EPHX2: variants seen among roughly 807,000 people sequenced by gnomAD.
EPHX2 encodes bifunctional epoxide hydrolase 2.
In EPHX2, 74 loss-of-function variants were observed where a neutral mutation model predicts 78.7. The observed-to-expected ratio is 0.94, with a 90% CI of 0.78 to 1.14. EPHX2 has a LOEUF of 1.14. Ranked by LOEUF, EPHX2 falls within the 50% of genes most tolerant of loss-of-function variation. The pLI is 0.00. For synonymous variants in EPHX2, 251 were observed against 255.2 expected (o/e 0.98, Z 0.16); for missense variants, 715 against 702.5 (o/e 1.02, Z -0.20).
intron 16 of EPHX2, among the ~76,000 whole-genome samples, chr8:27,542,419 C>T (rs1458934955): frequency 6.6e-6 from 1 of 152,164 alleles, no homozygotes; most frequent in East Asian, 1.9e-4. Flanking sequence ...GTGCCTCCCT[C>T]ACAGAGCTGT....
intron 16 of EPHX2, among the ~76,000 whole-genome samples, chr8:27,541,938 TC>T (rs1369377684): frequency 3.3e-5 from 5 of 152,034 alleles, no homozygotes; most frequent in African/African-American, 9.7e-5. Flanking sequence ...ACTTTAGCCT[TC>T]GGTTGTGTCA....
rs1313101853 is a variant in EPHX2, at chr8:27,525,460, A to G, written c.1157A>G (p.Tyr386Cys). 1 of 1,613,760 alleles carries G rather than the reference A, an allele frequency of 6.2e-7. No individual in the cohort carries two copies. The highest frequency in any genetic ancestry group is 8.5e-7 in the Non-Finnish European group (1 of 1,179,766). ...AACCCAGTATTTGATTACCAGCTCT[A>G]CTTCCAAGAACCAGTAAGTATGGCA... ...KANPVFDYQL[Y>C]FQEPGVAEAE... Residue 386 changes from tyrosine to cysteine, a missense_variant, in exon 12 of 19, where the codon TAC (tyrosine) becomes TGC (cysteine). Transcript: ENST00000521400.
At chr8:27,535,139 C>T (rs1350412971) in intron 12 of EPHX2, among the ~76,000 whole-genome samples, 5 of 152,164 alleles carry the variant, frequency 3.3e-5, no homozygotes, top group Non-Finnish European at 5.9e-5. Flanking sequence ...GCACTAGTCC[C>T]TCAGCAGCAG....
chr8:27,507,691 G>A (rs564730126), intron 5 of EPHX2, among the ~76,000 whole-genome samples: 8 of 152,280 alleles, frequency 5.3e-5, no homozygotes, highest in African/African-American at 1.4e-4. Context: ...TAGTTTGCTC[G>A]GGCTGCCATA....
Position 27,541,514 on chromosome 8 carries a change from A to C in EPHX2, c.1421A>C (p.Lys474Thr), listed in dbSNP as rs202158116. The change falls in exon 16 of 19, where the codon AAG becomes ACG. Residue 474 changes from lysine to threonine, a missense_variant. By Grantham distance (78) the Lys-to-Thr change is moderately conservative. Coordinates refer to ENST00000521400, the MANE Select transcript of EPHX2 (RefSeq NM_001979.6). ...NWYRNMERNW[K>T]WACKSLGRKI... ...TACCGAAACATGGAAAGGAACTGGA[A>C]GTGGGCTTGCAAAAGCTTGGGACGG... The C allele has an allele frequency of 2.5e-4, 396 of 1,614,226 alleles. 2 individuals are homozygous for C. The highest frequency in any genetic ancestry group is 2.0e-3 in the Middle Eastern group (12 of 6,062).
intron 5 of EPHX2, among the ~76,000 whole-genome samples, chr8:27,510,146 T>C (rs1284122055): frequency 1.3e-5 from 2 of 152,144 alleles, no homozygotes; most frequent in East Asian, 3.9e-4. Context: ...TCCATAGTTA[T>C]AAAGGAGGTA....
intron 5 of EPHX2, among the ~76,000 whole-genome samples, chr8:27,507,315 C>T (rs1400268352): frequency 2.0e-5 from 3 of 152,182 alleles, no homozygotes; most frequent in African/African-American, 4.8e-5. Context: ...AACGTTTACC[C>T]TAAGGATCAG....
chr8:27,497,938 T>A (rs141021068), intron 1 of EPHX2, among the ~76,000 whole-genome samples: 2 of 152,300 alleles, frequency 1.3e-5, no homozygotes, highest in Non-Finnish European at 2.9e-5. Context: ...TTTCTTTGGC[T>A]GTCATTCTGT....
intron 9 of EPHX2, among the ~76,000 whole-genome samples, chr8:27,519,630 G>A (rs536262799): frequency 5.3e-5 from 8 of 152,326 alleles, no homozygotes; most frequent in East Asian, 1.9e-4. Context: ...GGGTGATGTC[G>A]TGAAGACTGA....
At chr8:27,523,856 C>T (rs1041525078) in intron 11 of EPHX2, among the ~76,000 whole-genome samples, 5 of 151,984 alleles carry the variant, frequency 3.3e-5, no homozygotes, top group African/African-American at 1.2e-4. Context: ...GACTGCACAA[C>T]GTACTGGTTA....
chr8:27,513,515 C>A (rs550921066), intron 6 of EPHX2, among the ~76,000 whole-genome samples: 1 of 152,250 alleles, frequency 6.6e-6, no homozygotes, highest in South Asian at 2.1e-4. Context: ...CTTGTCTTTC[C>A]CCCACCCCAT....
intron 12 of EPHX2, among the ~76,000 whole-genome samples, chr8:27,534,534 C>T (rs1293581014): frequency 6.6e-6 from 1 of 152,124 alleles, no homozygotes; most frequent in Non-Finnish European, 1.5e-5. Context: ...CCCCTGTAAT[C>T]CCAGCTACTT....
chr8:27,543,635 C>A (rs1163555320), intron 16 of EPHX2, 114 bp from the exon 17 acceptor site: 2 of 1,009,546 alleles, frequency 2.0e-6, no homozygotes, highest in Non-Finnish European at 3.0e-6. Context: ...GTGCAAAGTT[C>A]GGCAGATACA....
At position 27,544,209 on chromosome 8, in the gene EPHX2, C is replaced by T. The variant is rs1194254922; in HGVS notation, c.1554C>T (p.His518=). 2 of 1,614,156 alleles carry T rather than the reference C, an allele frequency of 1.2e-6. No individual in the cohort carries two copies. Among genetic ancestry groups the T allele is most frequent in the Non-Finnish European group, 1.7e-6 (2 of 1,180,038 alleles). ...EDWIPHLKRG[H]IEDCGHWTQM... ...AGATTCCCCACCTGAAAAGGGGACA[C>T]ATTGAGGACTGTGGGCACTGGACAC... Residue 518 remains histidine, a synonymous_variant, in exon 18 of 19, where the codon CAC becomes CAT. Transcript: ENST00000521400.
intron 12 of EPHX2, among the ~76,000 whole-genome samples, chr8:27,532,342 T>C (rs558816931): frequency 1.3e-4 from 20 of 152,358 alleles, no homozygotes; most frequent in Non-Finnish European, 2.4e-4. Context: ...ACCTTCTGAC[T>C]CTTTTTAATC....
chr8:27,547,232 A>G (rs971851984), downstream of EPHX2, among the ~76,000 whole-genome samples: 14 of 152,168 alleles, frequency 9.2e-5, no homozygotes, highest in African/African-American at 3.1e-4. Flanking sequence ...AGGTTTTTCA[A>G]GAAGATAGTG....
chr8:27,522,416 T>A lies in EPHX2; in HGVS notation c.973-7T>A, dbSNP rs1246652113. The A allele has an allele frequency of 6.2e-7, 1 of 1,613,454 alleles. No individual in the cohort carries two copies. On this transcript the variant is annotated splice_region_variant and splice_polypyrimidine_tract_variant and intron_variant, in intron 10 of 18. Coordinates refer to ENST00000521400, the MANE Select transcript of EPHX2 (RefSeq NM_001979.6). ...CACATTCGGCTCCCTTCTTTTTCCT[T>A]CTCTAGGGCCTCTCTCAAGCAGTGT... is the stretch of plus-strand genomic sequence containing the variant.
intron 1 of EPHX2, among the ~76,000 whole-genome samples, chr8:27,496,244 A>G (rs1020833733): frequency 8.5e-5 from 13 of 152,206 alleles, no homozygotes; most frequent in African/African-American, 3.1e-4. Context: ...GCCTGCTGGC[A>G]TGAGGCTTTT....
chr8:27,545,731 C>G (rs1234023255), downstream of EPHX2, among the ~76,000 whole-genome samples: 2 of 152,308 alleles, frequency 1.3e-5, no homozygotes, highest in Middle Eastern at 6.8e-3. Context: ...CAGATGCACG[C>G]ACAATGGCCT....
Sources: allele counts gnomAD v4.1 joint callset (sites outside exome capture counted in the v4.1 genomes callset), GRCh38; gene constraint gnomAD v4.1.1; transcripts MANE v1.5; gene names NCBI Gene and HGNC (gene_info 2026-07-23, HGNC 2026-07-21).